Variants in PTPRD observed in about 807,000 individuals in gnomAD.
PTPRD encodes the protein receptor-type tyrosine-protein phosphatase delta.
A neutral mutation model predicts 214.5 loss-of-function variants in PTPRD; 34 were observed. The observed-to-expected ratio is 0.16, with a 90% CI of 0.12 to 0.21. PTPRD has a LOEUF of 0.21. Ranked by LOEUF, PTPRD falls within the 10% of genes least tolerant of loss-of-function variation. The probability of loss-of-function intolerance (pLI) is 1.00; values close to 1 mark genes in which losing one functional copy is unlikely to be tolerated. For missense variants in PTPRD, 2,545 were observed against 2,398.7 expected (o/e 1.06, Z -1.27); for synonymous variants, 1,128 against 845.7 (o/e 1.33, Z -5.79).
chr9:10,572,587 G>A (rs1488420391), intron 2 of PTPRD, among the ~76,000 whole-genome samples: 1 of 152,100 alleles, frequency 6.6e-6, no homozygotes, highest in Non-Finnish European at 1.5e-5. Context: ...ATGTAGATGG[G>A]GGAGGAAGAG....
intron 2 of PTPRD, among the ~76,000 whole-genome samples, chr9:10,349,415 T>G (rs544662554): frequency 3.0e-4 from 45 of 152,300 alleles, no homozygotes; most frequent in Non-Finnish European, 5.3e-4. Flanking sequence ...GATAAATTAT[T>G]CCAGTTAACA....
chr9:9,740,051 T>C (rs1426997558), intron 6 of PTPRD, among the ~76,000 whole-genome samples: 1 of 152,192 alleles, frequency 6.6e-6, no homozygotes, highest in Non-Finnish European at 1.5e-5. Flanking sequence ...TCTGAATGTA[T>C]TGAAACTTGC....
At chr9:10,498,087 G>T (rs1227764776) in intron 2 of PTPRD, among the ~76,000 whole-genome samples, 3 of 151,956 alleles carry the variant, frequency 2.0e-5, no homozygotes, top group Admixed American at 6.6e-5. Flanking sequence ...CAAATGAGCT[G>T]CAGAGCAATA....
chr9:8,708,679 C>CAAAA (rs765081509), intron 12 of PTPRD, among the ~76,000 whole-genome samples: 10 of 39,400 alleles, frequency 2.5e-4, no homozygotes, highest in African/African-American at 3.9e-4. Context: ...GACTCTGTCT[C>CAAAA]AAAAAAAAAA....
At chr9:9,295,888 T>G (rs1235772661) in intron 9 of PTPRD, among the ~76,000 whole-genome samples, 1 of 151,880 alleles carries the variant, frequency 6.6e-6, no homozygotes, top group East Asian at 1.9e-4. Context: ...ATTTTCACAT[T>G]GTAAAGCCTC....
intron 2 of PTPRD, among the ~76,000 whole-genome samples, chr9:10,503,885 G>A (rs1163525759): frequency 6.6e-6 from 1 of 151,746 alleles, no homozygotes; most frequent in African/African-American, 2.4e-5. Context: ...GGGAGGCCGA[G>A]GTGGGCGGAT....
intron 10 of PTPRD, among the ~76,000 whole-genome samples, chr9:9,171,853 A>T (rs935113197): frequency 2.6e-5 from 4 of 152,156 alleles, no homozygotes; most frequent in Non-Finnish European, 5.9e-5. Flanking sequence ...TTAATTCTTC[A>T]TTACTGTCTC....
chr9:9,696,935 C>T (rs2097386722), intron 7 of PTPRD, among the ~76,000 whole-genome samples: 1 of 151,966 alleles, frequency 6.6e-6, no homozygotes, highest in African/African-American at 2.4e-5. Flanking sequence ...TGGTTTGTTG[C>T]TTTTCATATT....
intron 9 of PTPRD, among the ~76,000 whole-genome samples, chr9:9,393,890 C>G (rs1327702537): frequency 6.6e-6 from 1 of 152,084 alleles, no homozygotes; most frequent in East Asian, 1.9e-4. Context: ...TCACCATTAT[C>G]ACAAATATCA....
chr9:8,665,956 C>G (rs1428849620), intron 12 of PTPRD, among the ~76,000 whole-genome samples: 1 of 151,846 alleles, frequency 6.6e-6, no homozygotes, highest in African/African-American at 2.4e-5. Flanking sequence ...TCAAAGTGTT[C>G]CAATGAAATA....
chr9:10,420,676 C>T (rs1254791974), intron 2 of PTPRD, among the ~76,000 whole-genome samples: 1 of 151,800 alleles, frequency 6.6e-6, no homozygotes, highest in African/African-American at 2.4e-5. Context: ...AATCCTTATC[C>T]TGAGTGGCTT....
chr9:8,376,739 A>T lies in PTPRD; in HGVS notation c.4387-13T>A. Reference sequence around the variant, plus strand: ...GGTCACACTTCACCTACAAGAAACAAGTGACACATTCAGGGCAAATGCTCA... The same window carrying T: ...GGTCACACTTCACCTACAAGAAACATGTGACACATTCAGGGCAAATGCTCA... On this transcript the variant is annotated splice_polypyrimidine_tract_variant and intron_variant, in intron 37 of 45. Transcript: ENST00000381196. 1 of 1,612,510 alleles carries T rather than the reference A, an allele frequency of 6.2e-7. No homozygotes were observed. Among genetic ancestry groups the T allele is most frequent in the Non-Finnish European group, 8.5e-7 (1 of 1,179,014 alleles).
chr9:9,495,122 A>G (rs538108205), intron 8 of PTPRD, among the ~76,000 whole-genome samples: 120 of 152,228 alleles, frequency 7.9e-4, no homozygotes, highest in Middle Eastern at 3.4e-3. Flanking sequence ...ATGCGAAACA[A>G]TGAACTTAGA....
At chr9:8,794,862 A>G (rs910159905) in intron 11 of PTPRD, among the ~76,000 whole-genome samples, 2 of 152,072 alleles carry the variant, frequency 1.3e-5, no homozygotes, top group Admixed American at 6.6e-5. Context: ...TGATCATGAA[A>G]AAAAAAAACA....
intron 2 of PTPRD, among the ~76,000 whole-genome samples, chr9:10,500,912 A>G (rs2043482432): frequency 6.6e-6 from 1 of 151,778 alleles, no homozygotes; most frequent in South Asian, 2.1e-4. Context: ...TTGTATATAT[A>G]CCACGTTTTC....
At position 8,369,173 on chromosome 9, in the gene PTPRD, G is replaced by T. The variant is rs76295274; in HGVS notation, c.4661+6763C>A. On this transcript the variant is annotated intron_variant, in intron 39 of 45. Coordinates refer to ENST00000381196, the MANE Select transcript of PTPRD (RefSeq NM_002839.4). Reference sequence around the variant, plus strand: ...ATGGAACATTAGAAGAAATAAAAATGGAATTTAGAATGAATGGTTAAAAAT... The same window carrying T: ...ATGGAACATTAGAAGAAATAAAAATTGAATTTAGAATGAATGGTTAAAAAT... Among the ~76,000 whole-genome samples the T allele has an allele frequency of 5.8e-3, 882 of 152,182 alleles. 12 individuals are homozygous for T. The highest frequency in any genetic ancestry group is 0.02 in the African/African-American group (844 of 41,548).
chr9:9,449,503 A>C (rs2091501582), intron 8 of PTPRD, among the ~76,000 whole-genome samples: 1 of 151,970 alleles, frequency 6.6e-6, no homozygotes, highest in African/African-American at 2.4e-5. Flanking sequence ...GAAAACTGAG[A>C]GAATATAAGG....
At chr9:10,195,098 A>ATTTTTTTTTTTT (rs34900305) in intron 3 of PTPRD, among the ~76,000 whole-genome samples, 319 of 97,894 alleles carry the variant, frequency 3.3e-3, no homozygotes, top group Middle Eastern at 7.8e-3. Flanking sequence ...ATACCCGGCT[A>ATTTTTTTTTTTT]TTTTTTTTTT....
intron 2 of PTPRD, among the ~76,000 whole-genome samples, chr9:10,475,396 T>A (rs1032215331): frequency 6.6e-6 from 1 of 151,914 alleles, no homozygotes; most frequent in Non-Finnish European, 1.5e-5. Context: ...AAGAAATGGA[T>A]AAATTCCTGG....
Sources: gnomAD v4.1 joint callset for allele counts (sites outside exome capture counted in the v4.1 genomes callset) on GRCh38, gnomAD v4.1.1 for gene constraint, MANE v1.5 for transcripts, NCBI Gene and HGNC (gene_info 2026-07-23, HGNC 2026-07-21) for gene names.